Variants in C6 observed in about 807,000 individuals in gnomAD.
C6 encodes complement component C6.
Under a neutral mutation model 112.9 loss-of-function variants are expected in C6, and 101 were observed. The ratio of observed to expected loss-of-function variants is 0.89; its 90% CI spans 0.76 to 1.06. The LOEUF (loss-of-function observed/expected upper bound fraction) is 1.06. Among genes scored for constraint, C6 ranks in the 50% least tolerant of loss-of-function variants. C6 has a pLI of 0.00. For synonymous variants in C6, 431 were observed against 384.1 expected (o/e 1.12, Z -1.43); for missense variants, 1,202 against 1,104.6 (o/e 1.09, Z -1.25).
At chr5:41,239,331 C>T (rs1024906677) in intron 1 of C6, among the ~76,000 whole-genome samples, 38 of 151,880 alleles carry the variant, frequency 2.5e-4, no homozygotes, top group African/African-American at 9.0e-4. Context: ...ATCCTGGTCT[C>T]GAACTCCTGA....
intron 1 of C6, among the ~76,000 whole-genome samples, chr5:41,251,439 T>C (rs1262463026): frequency 1.3e-5 from 2 of 152,180 alleles, no homozygotes; most frequent in Non-Finnish European, 2.9e-5. Flanking sequence ...ATTGCTGTTA[T>C]TAGTGTGGCA....
chr5:41,148,107 A>G (rs892514345), intron 17 of C6, among the ~76,000 whole-genome samples: 2 of 152,214 alleles, frequency 1.3e-5, no homozygotes. Flanking sequence ...TTTCTAAGCT[A>G]TATCTGAAGG....
At chr5:41,183,584 G>T (rs532639661) in intron 6 of C6, among the ~76,000 whole-genome samples, 1 of 152,176 alleles carries the variant, frequency 6.6e-6, no homozygotes. Flanking sequence ...ATTTCTCAAA[G>T]AACTTAAAAC....
At chr5:41,157,753 C>A (rs1385204324) in intron 13 of C6, among the ~76,000 whole-genome samples, 2 of 152,114 alleles carry the variant, frequency 1.3e-5, no homozygotes, top group Non-Finnish European at 2.9e-5. Flanking sequence ...AGGAGTGAGA[C>A]CCAATGATCT....
chr5:41,260,469 A>C (rs1741984714), intron 1 of C6, among the ~76,000 whole-genome samples: 1 of 146,192 alleles, frequency 6.8e-6, no homozygotes, highest in African/African-American at 2.5e-5. Context: ...AAACAAACAA[A>C]CAAATAAAAA....
At chr5:41,197,570 G>C (rs1750705946) in intron 4 of C6, among the ~76,000 whole-genome samples, 1 of 152,114 alleles carries the variant, frequency 6.6e-6, no homozygotes, top group Admixed American at 6.6e-5. Flanking sequence ...TAGACAGAAG[G>C]AGGGATACAC....
At chr5:41,250,043 CAG>C (rs1420156596) in intron 1 of C6, among the ~76,000 whole-genome samples, 2 of 152,208 alleles carry the variant, frequency 1.3e-5, no homozygotes, top group Admixed American at 6.5e-5. Context: ...GCTGCATGCA[CAG>C]AGTCAATTCC....
chr5:41,259,517 C>CAA (rs56168478), intron 1 of C6, among the ~76,000 whole-genome samples: 2 of 143,128 alleles, frequency 1.4e-5, no homozygotes, highest in African/African-American at 2.6e-5. Flanking sequence ...CTGAAATTAC[C>CAA]AAAAAAAAAA....
intron 1 of C6, among the ~76,000 whole-genome samples, chr5:41,256,873 G>C (rs1476479937): frequency 1.3e-5 from 2 of 152,128 alleles, no homozygotes; most frequent in Non-Finnish European, 2.9e-5. Context: ...ATATCAGTGG[G>C]AGGTTCCCAT....
chr5:41,220,204 A>C (rs1301172099), intron 1 of C6, among the ~76,000 whole-genome samples: 1 of 152,166 alleles, frequency 6.6e-6, no homozygotes, highest in African/African-American at 2.4e-5. Flanking sequence ...CTGGCCATTT[A>C]GCTGTGTTTA....
At chr5:41,224,004 A>G (rs1299697835) in intron 1 of C6, among the ~76,000 whole-genome samples, 1 of 152,184 alleles carries the variant, frequency 6.6e-6, no homozygotes, top group Non-Finnish European at 1.5e-5. Context: ...ACAGTATCAC[A>G]TCTGGAAATA....
intron 1 of C6, among the ~76,000 whole-genome samples, chr5:41,212,235 C>T (rs1751988698): frequency 6.6e-6 from 1 of 152,180 alleles, no homozygotes; most frequent in African/African-American, 2.4e-5. Context: ...GATCTCAGCT[C>T]ACTATAAACT....
intron 13 of C6, among the ~76,000 whole-genome samples, chr5:41,156,066 G>A (rs977474132): frequency 6.6e-6 from 1 of 152,024 alleles, no homozygotes; most frequent in African/African-American, 2.4e-5. Context: ...GGTAAAGTGG[G>A]TCTTAGACTT....
At chr5:41,227,777 T>A (rs1596665) in intron 1 of C6, among the ~76,000 whole-genome samples, 11,694 of 152,168 alleles carry the variant, frequency 0.077, 745 homozygotes, top group African/African-American at 0.17. Flanking sequence ...TCAATTGACC[T>A]CAAATATGTG....
intron 1 of C6, among the ~76,000 whole-genome samples, chr5:41,227,234 T>A (rs1461527097): frequency 1.3e-5 from 2 of 152,220 alleles, no homozygotes; most frequent in African/African-American, 4.8e-5. Context: ...TTCAAATTCC[T>A]GTTGGTCATT....
intron 1 of C6, among the ~76,000 whole-genome samples, chr5:41,258,071 C>G (rs571298803): frequency 6.6e-6 from 1 of 152,072 alleles, no homozygotes; most frequent in African/African-American, 2.4e-5. Flanking sequence ...AAAAAACCCA[C>G]CAGGCATGGT....
At chr5:41,250,219 G>A (rs553745091) in intron 1 of C6, among the ~76,000 whole-genome samples, 6 of 152,296 alleles carry the variant, frequency 3.9e-5, no homozygotes, top group Admixed American at 1.3e-4. Flanking sequence ...TCTCACCCTA[G>A]GCTTGAGGAG....
chr5:41,224,391 C>T (rs551893954), intron 1 of C6, among the ~76,000 whole-genome samples: 12 of 152,244 alleles, frequency 7.9e-5, no homozygotes, highest in African/African-American at 2.9e-4. Context: ...CCATTAGCAG[C>T]CACTCCCTAT....
intron 9 of C6, 70 bp from the exon 10 acceptor site, chr5:41,161,929 A>G: frequency 6.7e-7 from 1 of 1,487,800 alleles, no homozygotes; most frequent in South Asian, 1.1e-5. Flanking sequence ...CAAACAAACA[A>G]AAACCTATTT....
Sources: gnomAD v4.1 joint callset for allele counts (sites outside exome capture counted in the v4.1 genomes callset) on GRCh38, gnomAD v4.1.1 for gene constraint, MANE v1.5 for transcripts, NCBI Gene and HGNC (gene_info 2026-07-23, HGNC 2026-07-21) for gene names.